PIK3C2G: variants seen among roughly 807,000 people sequenced by gnomAD.
PIK3C2G encodes the protein phosphatidylinositol-4-phosphate 3-kinase catalytic subunit type 2 gamma.
PIK3C2G carries 168 observed loss-of-function variants against 181.1 expected under a neutral mutation model. That is an observed-to-expected ratio of 0.93 (90% confidence interval 0.82 to 1.05). The LOEUF is 1.05. Among genes scored for constraint, PIK3C2G ranks in the 50% least tolerant of loss-of-function variants. The probability of loss-of-function intolerance (pLI) is 0.00; values close to 1 mark genes in which losing one functional copy is unlikely to be tolerated. For missense variants in PIK3C2G, 1,869 were observed against 1,732.8 expected (o/e 1.08, Z -1.40); for synonymous variants, 573 against 592.2 (o/e 0.97, Z 0.47).
At chr12:18,246,004 T>C (rs1948035849), upstream of PIK3C2G, among the ~76,000 whole-genome samples, 1 of 152,272 alleles carries the variant, frequency 6.6e-6, no homozygotes, top group African/African-American at 2.4e-5. Flanking sequence ...AAGAATAAAA[T>C]ATATTGCCCT....
At chr12:18,376,773 C>T in intron 13 of PIK3C2G, among the ~76,000 whole-genome samples, 1 of 152,052 alleles carries the variant, frequency 6.6e-6, no homozygotes, top group East Asian at 1.9e-4. Flanking sequence ...TGGGTACTTG[C>T]AAGATCTGGT....
chr12:18,376,656 C>A (rs558404511), intron 13 of PIK3C2G, among the ~76,000 whole-genome samples: 1 of 152,176 alleles, frequency 6.6e-6, no homozygotes, highest in Non-Finnish European at 1.5e-5. Context: ...TCCTCCAAAT[C>A]TTGTGCTGAA....
intron 24 of PIK3C2G, among the ~76,000 whole-genome samples, chr12:18,531,947 C>A (rs1336162915): frequency 6.6e-6 from 1 of 150,916 alleles, no homozygotes; most frequent in African/African-American, 2.4e-5. Flanking sequence ...TTTTAAGAAA[C>A]TGCCAAGTGA....
chr12:18,491,809 A>T (rs1333154296), intron 20 of PIK3C2G, among the ~76,000 whole-genome samples: 1 of 151,944 alleles, frequency 6.6e-6, no homozygotes, highest in Non-Finnish European at 1.5e-5. Context: ...AAAAAAAAAA[A>T]TAGAGGAACA....
At chr12:18,349,837 A>G (rs1489850728) in intron 11 of PIK3C2G, among the ~76,000 whole-genome samples, 1 of 152,180 alleles carries the variant, frequency 6.6e-6, no homozygotes, top group African/African-American at 2.4e-5. Context: ...TATAGTTTTT[A>G]AAAACCTCTA....
the PIK3C2G span, chr12:18,712,941 A>T: frequency 9.9e-6 from 16 of 1,613,886 alleles, no homozygotes; most frequent in African/African-American, 1.3e-5. Flanking sequence ...TTTGTGCTCC[A>T]TCCCAGCAGT....
intron 6 of PIK3C2G, among the ~76,000 whole-genome samples, chr12:18,314,919 A>G (rs533695131): frequency 6.6e-6 from 1 of 152,304 alleles, no homozygotes; most frequent in South Asian, 2.1e-4. Context: ...TACCTAGAAA[A>G]GGATGACTGT....
intron 25 of PIK3C2G, among the ~76,000 whole-genome samples, chr12:18,543,303 T>C (rs998037532): frequency 1.3e-5 from 2 of 152,070 alleles, no homozygotes; most frequent in East Asian, 3.9e-4. Flanking sequence ...CTTTGTCAGA[T>C]ACATAGTTTG....
intron 27 of PIK3C2G, 31 bp from the exon 28 acceptor site, chr12:18,563,346 C>A (rs772163438): frequency 2.7e-5 from 42 of 1,580,184 alleles, no homozygotes; most frequent in Non-Finnish European, 3.6e-5. Context: ...ATATTGCCAT[C>A]TTTTGATTTC....
At chr12:18,703,513 C>T in the PIK3C2G span, among the ~76,000 whole-genome samples, 7 of 152,132 alleles carry the variant, frequency 4.6e-5, no homozygotes, top group African/African-American at 1.7e-4. Context: ...AGATGTTATA[C>T]ATTGACCAGA....
intron 11 of PIK3C2G, among the ~76,000 whole-genome samples, chr12:18,350,676 C>G (rs1383595332): frequency 6.6e-6 from 1 of 152,154 alleles, no homozygotes; most frequent in Admixed American, 6.6e-5. Context: ...GTGTGGGAAA[C>G]AGGCACAATC....
chr12:18,532,422 CT>C (rs995394374), intron 24 of PIK3C2G, among the ~76,000 whole-genome samples: 13 of 151,864 alleles, frequency 8.6e-5, no homozygotes, highest in Admixed American at 7.2e-4. Flanking sequence ...AGACTTTCTC[CT>C]TTTTTTTCCT....
intron 29 of PIK3C2G, among the ~76,000 whole-genome samples, chr12:18,570,488 C>T (rs1945875351): frequency 6.7e-6 from 1 of 150,288 alleles, no homozygotes; most frequent in South Asian, 2.1e-4. Context: ...GGATTACAGG[C>T]GTGATCCCAC....
intron 18 of PIK3C2G, among the ~76,000 whole-genome samples, chr12:18,442,153 AATG>A (rs1946779138): frequency 6.6e-6 from 1 of 152,140 alleles, no homozygotes; most frequent in East Asian, 1.9e-4. Context: ...TTTTTGCATC[AATG>A]ATATTTAAAT....
At chr12:18,689,426 C>T in the PIK3C2G span, among the ~76,000 whole-genome samples, 2 of 152,140 alleles carry the variant, frequency 1.3e-5, no homozygotes, top group East Asian at 1.9e-4. Context: ...TTTCTTAAAA[C>T]ATTATGAGAT....
chr12:18,615,337 G>T (rs1000342643), intron 31 of PIK3C2G, among the ~76,000 whole-genome samples: 6 of 64,490 alleles, frequency 9.3e-5, no homozygotes, highest in African/African-American at 3.1e-4. Flanking sequence ...CACGGTGTGT[G>T]TGTGTGTGTG....
chr12:18,397,629 T>C (rs1423025110), intron 15 of PIK3C2G, among the ~76,000 whole-genome samples: 1 of 151,844 alleles, frequency 6.6e-6, no homozygotes, highest in Non-Finnish European at 1.5e-5. Context: ...AAATCAAGAG[T>C]TGGCAAGAAT....
chr12:18,619,614 T>A (rs978092522), intron 31 of PIK3C2G, among the ~76,000 whole-genome samples: 1 of 152,174 alleles, frequency 6.6e-6, no homozygotes, highest in African/African-American at 2.4e-5. Flanking sequence ...TGATTTTTTC[T>A]TTGTCTTTGG....
intron 8 of PIK3C2G, among the ~76,000 whole-genome samples, chr12:18,337,725 C>T (rs1333697363): frequency 2.0e-5 from 3 of 152,208 alleles, no homozygotes; most frequent in Admixed American, 1.3e-4. Flanking sequence ...AGGGATCCGC[C>T]CTGTGACCCA....
Sources: allele counts gnomAD v4.1 joint callset (sites outside exome capture counted in the v4.1 genomes callset), GRCh38; gene constraint gnomAD v4.1.1; transcripts MANE v1.5; gene names NCBI Gene and HGNC (gene_info 2026-07-23, HGNC 2026-07-21).